The following KDM1A variants were observed in gnomAD, a reference collection of about 807,000 sequenced individuals.
The protein encoded by KDM1A is lysine demethylase 1A, also known as lysine-specific histone demethylase 1A.
In KDM1A, 49 loss-of-function variants were observed where a neutral mutation model predicts 109.4. That is an observed-to-expected ratio of 0.45 (90% CI 0.36 to 0.57). KDM1A has a LOEUF of 0.57. Among genes scored for constraint, KDM1A ranks in the 20% least tolerant of loss-of-function variants. KDM1A has a pLI of 0.00. For synonymous variants in KDM1A, 380 were observed against 415.4 expected (o/e 0.91, Z 1.04); for missense variants, 668 against 1,116.6 (o/e 0.60, Z 5.73).
In KDM1A at chr1:23,024,867, G is replaced by A. The variant is rs544683223; in HGVS notation, c.351+4920G>A. ...CAAAATGCTTATTGCAGTGTTTGGC[G>A]TATAATTAGTAGGTGACCAGTAATT... On this transcript the variant is annotated intron_variant, in intron 1 of 20. Transcript: ENST00000400181. 2.2e-4 allele frequency among the ~76,000 whole-genome samples: 33 copies of A among 152,288 alleles called. 1 individual carries two copies. Among genetic ancestry groups the A allele is most frequent in the South Asian group, 1.5e-3 (7 of 4,820 alleles).
At chr1:23,054,366 T>A (rs1642761407) in intron 5 of KDM1A, among the ~76,000 whole-genome samples, 1 of 152,164 alleles carries the variant, frequency 6.6e-6, no homozygotes, top group South Asian at 2.1e-4. Context: ...GAGTTCAGCC[T>A]GGGCAACATA....
rs112987164 is a variant in KDM1A at position 23,080,475 on chromosome 1, C to A, written c.2170+808C>A. 2.3e-3 allele frequency among the ~76,000 whole-genome samples: 353 copies of A among 152,322 alleles called. 5 individuals are homozygous for A. The highest frequency in any genetic ancestry group is 7.8e-3 in the African/African-American group (325 of 41,560). On this transcript the variant is annotated intron_variant, in intron 18 of 20. Transcript: ENST00000400181. ...CTGTTGCCTGGACGGTTACCAATAG[C>A]TACTACTGCTATTCCTGCTTCTTTT...
intron 9 of KDM1A, among the ~76,000 whole-genome samples, chr1:23,063,231 G>GGTGT (rs755287896): frequency 6.3e-3 from 182 of 28,696 alleles, no homozygotes; most frequent in Non-Finnish European, 0.012. Context: ...GGTGTGTGTG[G>GGTGT]GTGTGTGTGT....
intron 3 of KDM1A, 91 bp downstream of exon 3, chr1:23,044,577 A>G (rs1642448037): frequency 9.0e-7 from 1 of 1,110,524 alleles, no homozygotes; most frequent in East Asian, 2.5e-5. Flanking sequence ...TGGTATCCAC[A>G]TTTTAGCCAG....
At position 23,055,141 on chromosome 1, in the gene KDM1A, A is replaced by T; in HGVS notation, c.863A>T (p.Lys288Met). 2 of 1,610,820 alleles carry T rather than the reference A, an allele frequency of 1.2e-6. No individual in the cohort carries two copies. The highest frequency in any genetic ancestry group is 1.7e-6 in the Non-Finnish European group (2 of 1,178,764). Residue 288 changes from lysine to methionine, a missense_variant, in exon 6 of 21, where the codon AAG (lysine) becomes ATG (methionine). Lys to Met is a moderately conservative substitution (Grantham distance 95). Around this residue, in one of 8 missense-constraint regions of KDM1A, gnomAD observed 149 missense variants for 189.7 expected, o/e 0.79. Transcript: ENST00000400181. ...RHGLINFGIY[K>M]RIKPLPTKKT... ...GGTCTTATCAACTTCGGCATCTATAAGAGGATAAAACCCCTACCAAGTAAG... is the reference window on the plus strand; with the variant it reads ...GGTCTTATCAACTTCGGCATCTATATGAGGATAAAACCCCTACCAAGTAAG...
At position 23,038,936 on chromosome 1, in the gene KDM1A, T is replaced by C. The variant is rs191289635; in HGVS notation, c.518-5491T>C. Among the ~76,000 whole-genome samples, 89 of 152,320 alleles carry C rather than the reference T, an allele frequency of 5.8e-4. 1 individual carries two copies. Among genetic ancestry groups the C allele is most frequent in the African/African-American group, 2.1e-3 (86 of 41,586 alleles). ...TTGCTCAGGCTGGTCTTGAACTCCTTGTTGTAAGTGATCCTCCTGACTTGG... is the reference window on the plus strand; with the variant it reads ...TTGCTCAGGCTGGTCTTGAACTCCTCGTTGTAAGTGATCCTCCTGACTTGG... On this transcript the variant is annotated intron_variant, in intron 2 of 20. Transcript: ENST00000400181.
chr1:23,069,710 G>A (rs1273533856), intron 12 of KDM1A, among the ~76,000 whole-genome samples: 1 of 152,158 alleles, frequency 6.6e-6, no homozygotes, highest in Non-Finnish European at 1.5e-5. Context: ...CAACAAATCA[G>A]CAGCCAGTTC....
At chr1:23,060,437 T>C (rs930510509) in intron 9 of KDM1A, among the ~76,000 whole-genome samples, 1 of 152,094 alleles carries the variant, frequency 6.6e-6, no homozygotes, top group Non-Finnish European at 1.5e-5. Flanking sequence ...TTAAAGCAGA[T>C]CACAAACATA....
chr1:23,037,455 C>A (rs1275199047), intron 2 of KDM1A, among the ~76,000 whole-genome samples: 1 of 151,912 alleles, frequency 6.6e-6, no homozygotes, highest in Admixed American at 6.6e-5. Flanking sequence ...TTGTATTTAT[C>A]ATGTACAGCG....
At chr1:23,054,757 A>T (rs1475016711) in intron 5 of KDM1A, among the ~76,000 whole-genome samples, 1 of 151,944 alleles carries the variant, frequency 6.6e-6, no homozygotes, top group Non-Finnish European at 1.5e-5. Context: ...CCCCCAAGTA[A>T]CTAGGACTAT....
At chr1:23,044,321 C>T (rs1209854674) in intron 2 of KDM1A, 106 bp from the exon 3 acceptor site, 1 of 913,560 alleles carries the variant, frequency 1.1e-6, no homozygotes, top group South Asian at 1.4e-5. Flanking sequence ...TATGGGTTTA[C>T]TAGTTGGTGG....
At chr1:23,033,340 A>G (rs1355473750) in intron 2 of KDM1A, among the ~76,000 whole-genome samples, 3 of 152,116 alleles carry the variant, frequency 2.0e-5, no homozygotes, top group Non-Finnish European at 2.9e-5. Context: ...TGGCCAACAT[A>G]GTGAAACTCT....
intron 5 of KDM1A, among the ~76,000 whole-genome samples, chr1:23,054,607 GT>G (rs950770832): frequency 2.0e-5 from 3 of 151,928 alleles, no homozygotes; most frequent in African/African-American, 7.3e-5. Context: ...CTAATTCTTT[GT>G]TTTTTTGTAG....
intron 13 of KDM1A, 109 bp from the exon 14 acceptor site, chr1:23,072,015 A>T: frequency 1.4e-6 from 1 of 706,960 alleles, no homozygotes; most frequent in Non-Finnish European, 2.4e-6. Context: ...CACTTCCTGT[A>T]CATGATCTGA....
At chr1:23,050,625 C>G in intron 4 of KDM1A, 105 bp downstream of exon 4, 1 of 879,800 alleles carries the variant, frequency 1.1e-6, no homozygotes, top group Non-Finnish European at 1.6e-6. Flanking sequence ...CTAAAATTAT[C>G]TATAATACTA....
chr1:23,027,293 A>T (rs148183484), intron 1 of KDM1A, among the ~76,000 whole-genome samples: 3 of 152,164 alleles, frequency 2.0e-5, no homozygotes, highest in African/African-American at 7.2e-5. Flanking sequence ...TCCCCCAGCG[A>T]CTAGACCACC....
At chr1:23,045,693 T>G (rs1472838203) in intron 3 of KDM1A, among the ~76,000 whole-genome samples, 1 of 152,074 alleles carries the variant, frequency 6.6e-6, no homozygotes, top group Non-Finnish European at 1.5e-5. Flanking sequence ...TGTGTGACTA[T>G]TTGCTCTTTT....
chr1:23,041,036 G>A (rs1642314897), intron 2 of KDM1A, among the ~76,000 whole-genome samples: 2 of 152,108 alleles, frequency 1.3e-5, no homozygotes, highest in South Asian at 4.2e-4. Context: ...GTCCTAGGCT[G>A]GAAAGACCCA....
At chr1:23,068,719 C>T in intron 11 of KDM1A, 38 bp downstream of exon 11, 1 of 1,426,680 alleles carries the variant, frequency 7.0e-7, no homozygotes. Flanking sequence ...TAGTGAGTTC[C>T]ATGTGTAAAG....
Sources: gnomAD v4.1 joint callset for allele counts (sites outside exome capture counted in the v4.1 genomes callset) on GRCh38, gnomAD v4.1.1 for gene constraint, gnomAD v4.1.1 regional missense constraint, MANE v1.5 for transcripts, NCBI Gene and HGNC (gene_info 2026-07-23, HGNC 2026-07-21) for gene names.